The following HMGCLL1 variants were observed in gnomAD, a reference collection of about 807,000 sequenced individuals.
The protein encoded by HMGCLL1 is 3-hydroxy-3-methylglutaryl-CoA lyase like 1.
HMGCLL1 carries 36 observed loss-of-function variants against 39.1 expected under a neutral mutation model. The ratio of observed to expected loss-of-function variants is 0.92; its 90% CI spans 0.71 to 1.22. The LOEUF (loss-of-function observed/expected upper bound fraction) is 1.22, where lower values mean the gene tolerates loss of function less well. Among genes scored for constraint, HMGCLL1 ranks in the 50% most tolerant of loss-of-function variants. The pLI is 0.00. For missense variants in HMGCLL1, 451 were observed against 416.5 expected, an observed-to-expected ratio of 1.08 and a Z score of -0.72; for synonymous variants, 149 against 144.0, an observed-to-expected ratio of 1.03 and a Z score of -0.25.
At chr6:55,539,923 G>A (rs371499929) in intron 3 of HMGCLL1, among the ~76,000 whole-genome samples, 7 of 114,254 alleles carry the variant, frequency 6.1e-5, no homozygotes, top group Admixed American at 1.8e-4. Context: ...AGAAAGAAAA[G>A]GAGGATGAGG....
intron 3 of HMGCLL1, among the ~76,000 whole-genome samples, chr6:55,532,887 C>T (rs563754268): frequency 1.3e-5 from 2 of 150,218 alleles, no homozygotes; most frequent in East Asian, 3.9e-4. Flanking sequence ...ACAGTGTTAA[C>T]ATTTCCATAT....
the HMGCLL1 span, among the ~76,000 whole-genome samples, chr6:55,643,261 G>T: frequency 6.6e-6 from 1 of 152,046 alleles, no homozygotes; most frequent in African/African-American, 2.4e-5. Context: ...TCCACCAATA[G>T]TGTGTAAGTG....
chr6:55,516,077 C>T (rs1218309340), intron 4 of HMGCLL1, among the ~76,000 whole-genome samples: 2 of 151,872 alleles, frequency 1.3e-5, no homozygotes, highest in Non-Finnish European at 2.9e-5. Context: ...GATAAAATGA[C>T]AATTAGCTTT....
At chr6:55,592,207 C>T in the HMGCLL1 span, among the ~76,000 whole-genome samples, 1 of 151,970 alleles carries the variant, frequency 6.6e-6, no homozygotes, top group Non-Finnish European at 1.5e-5. Flanking sequence ...ATTAGGAAGA[C>T]ATTCCTCTAG....
rs555080236 is a variant in HMGCLL1, at chr6:55,537,954, T to C, written c.297+3775A>G. Among the ~76,000 whole-genome samples, 4 of 152,296 alleles carry C rather than the reference T, an allele frequency of 2.6e-5. No individual in the cohort carries two copies. The South Asian group carries it at 8.3e-4, about 32-fold the overall frequency. Reference sequence around the variant, plus strand: ...AGTCCTATCCCATGTATCTACTTAATGTAAGGTCAGGAGGCATTTTCCAAT... The same window carrying C: ...AGTCCTATCCCATGTATCTACTTAACGTAAGGTCAGGAGGCATTTTCCAAT... On this transcript the variant is annotated intron_variant, in intron 3 of 8. Coordinates refer to ENST00000274901, the MANE Select transcript of HMGCLL1 (RefSeq NM_001042406.2).
the HMGCLL1 span, among the ~76,000 whole-genome samples, chr6:55,654,641 CTTGAT>C: frequency 6.6e-6 from 1 of 151,830 alleles, no homozygotes; most frequent in African/African-American, 2.4e-5. Flanking sequence ...CCAGTAAGTG[CTTGAT>C]CAGCACTTCC....
chr6:55,582,716 C>T (rs1156386995), upstream of HMGCLL1, among the ~76,000 whole-genome samples: 2 of 151,986 alleles, frequency 1.3e-5, no homozygotes, highest in African/African-American at 4.8e-5. Context: ...ATGAAGACAC[C>T]TAGTGTTCTA....
Position 55,541,800 on chromosome 6 carries a change from T to G in HMGCLL1, c.226A>C (p.Asn76His). 6.2e-7 allele frequency: 1 copy of G among 1,608,020 alleles called. No individual in the cohort carries two copies. Among genetic ancestry groups the G allele is most frequent in the Non-Finnish European group, 8.5e-7 (1 of 1,176,328 alleles). Residue 76 changes from asparagine to histidine, a missense_variant, in exon 3 of 9, where the codon AAT becomes CAT. Physicochemically the swap from Asn to His is moderately conservative, Grantham distance 68. Transcript: ENST00000274901. ...VPTDIKIEFI[N>H]RLSQTGLSVI... Reference sequence around the variant, plus strand: ...GACAAGCCAGTTTGGGAAAGTCGATTGATAAATTCAATTTTTATATCTGTA... The same window carrying G: ...GACAAGCCAGTTTGGGAAAGTCGATGGATAAATTCAATTTTTATATCTGTA...
chr6:55,622,947 C>G, the HMGCLL1 span, among the ~76,000 whole-genome samples: 4 of 152,032 alleles, frequency 2.6e-5, no homozygotes, highest in South Asian at 8.3e-4. Flanking sequence ...TACTTGATAT[C>G]AGTTCATTCA....
At chr6:55,650,293 A>G in the HMGCLL1 span, among the ~76,000 whole-genome samples, 2 of 151,096 alleles carry the variant, frequency 1.3e-5, no homozygotes, top group African/African-American at 4.9e-5. Context: ...CATAGTCTTC[A>G]TAGTCTGGGC....
the HMGCLL1 span, among the ~76,000 whole-genome samples, chr6:55,652,580 G>A: frequency 6.6e-6 from 1 of 152,120 alleles, no homozygotes; most frequent in African/African-American, 2.4e-5. Flanking sequence ...GAATGATTCT[G>A]TGGTTCTGCA....
At chr6:55,628,903 G>A in the HMGCLL1 span, among the ~76,000 whole-genome samples, 1 of 152,112 alleles carries the variant, frequency 6.6e-6, no homozygotes, top group Non-Finnish European at 1.5e-5. Flanking sequence ...GGCCTCCTCA[G>A]TCATGTGGAA....
At chr6:55,642,867 C>A in the HMGCLL1 span, among the ~76,000 whole-genome samples, 2 of 152,022 alleles carry the variant, frequency 1.3e-5, no homozygotes, top group Non-Finnish European at 2.9e-5. Flanking sequence ...ATTTAGCACC[C>A]ACTTATAAGT....
chr6:55,549,458 C>T (rs1236123489), intron 1 of HMGCLL1, among the ~76,000 whole-genome samples: 5 of 150,526 alleles, frequency 3.3e-5, no homozygotes, highest in Non-Finnish European at 4.4e-5. Flanking sequence ...TGTGATATGC[C>T]AAGTTTCCTC....
chr6:55,463,918 G>A (rs966519441), intron 7 of HMGCLL1, among the ~76,000 whole-genome samples: 2 of 152,026 alleles, frequency 1.3e-5, no homozygotes, highest in African/African-American at 4.8e-5. Flanking sequence ...AAAATAGGAA[G>A]AAAAAATGAG....
chr6:55,515,021 A>G (rs1450664509), intron 4 of HMGCLL1, among the ~76,000 whole-genome samples: 4 of 151,972 alleles, frequency 2.6e-5, no homozygotes, highest in South Asian at 2.1e-4. Context: ...TTGGGAACTC[A>G]AGGTAGGCAG....
chr6:55,539,858 G>GAAA lies in HMGCLL1; in HGVS notation c.297+1870_297+1871insTTT, dbSNP rs1769245926. Reference sequence around the variant, plus strand: ...TTGTACCCCTAAAGTGAAAGAAAGAGGAAGAAAGAAAGAAAGAAAGAAAGA... The same window carrying GAAA: ...TTGTACCCCTAAAGTGAAAGAAAGAGAAAGAAGAAAGAAAGAAAGAAAGAAAGA... On this transcript the variant is annotated intron_variant, in intron 3 of 8. Coordinates refer to ENST00000274901, the MANE Select transcript of HMGCLL1 (RefSeq NM_001042406.2). Among the ~76,000 whole-genome samples the GAAA allele has an allele frequency of 6.6e-5, 6 of 90,228 alleles. No homozygotes were observed. In the East Asian group the frequency reaches 1.9e-3, roughly 29 times the overall value. 59.2% of individuals were successfully genotyped at this position (90,228 alleles called of 152,430 possible). A position where few individuals can be genotyped will look rare whatever the true frequency, so the allele number is the denominator to read the frequency against.
At chr6:55,527,295 A>C (rs183013799) in intron 3 of HMGCLL1, among the ~76,000 whole-genome samples, 33 of 152,124 alleles carry the variant, frequency 2.2e-4, no homozygotes, top group Admixed American at 1.1e-3. Flanking sequence ...GGTACTTTTT[A>C]AAAATACAGA....
chr6:55,542,816 CATATATATGTAATATATAT>C (rs1393327458), intron 1 of HMGCLL1, among the ~76,000 whole-genome samples: 1 of 126,694 alleles, frequency 7.9e-6, no homozygotes, highest in African/African-American at 2.9e-5. Context: ...ATATATATTA[CATATATATGTAATATATAT>C]GTATTATATA....
Sources: allele counts gnomAD v4.1 joint callset (sites outside exome capture counted in the v4.1 genomes callset), GRCh38; gene constraint gnomAD v4.1.1; transcripts MANE v1.5; gene names NCBI Gene and HGNC (gene_info 2026-07-23, HGNC 2026-07-21).